DPYS: variants seen among roughly 807,000 people sequenced by gnomAD.
DPYS encodes dihydropyrimidinase.
In DPYS, 39 loss-of-function variants were observed where a neutral mutation model predicts 50.3. The observed-to-expected ratio is 0.78, with a 90% confidence interval of 0.60 to 1.01. The LOEUF is 1.01. Ranked by LOEUF, DPYS falls within the 50% of genes least tolerant of loss-of-function variation. The probability of loss-of-function intolerance (pLI) is 0.00; values close to 1 mark genes in which losing one functional copy is unlikely to be tolerated. For missense variants in DPYS, 659 were observed against 680.9 expected, an observed-to-expected ratio of 0.97 and a Z score of 0.36; for synonymous variants, 245 against 250.7, an observed-to-expected ratio of 0.98 and a Z score of 0.22.
intron 7 of DPYS, among the ~76,000 whole-genome samples, chr8:104,393,593 A>G (rs1811475590): frequency 6.6e-6 from 1 of 152,240 alleles, no homozygotes; most frequent in Non-Finnish European, 1.5e-5. Flanking sequence ...AATACGTTGG[A>G]ATATAATCTC....
intron 7 of DPYS, among the ~76,000 whole-genome samples, chr8:104,411,501 A>G (rs1812174146): frequency 6.6e-6 from 1 of 152,186 alleles, no homozygotes; most frequent in South Asian, 2.1e-4. Context: ...ATAGCACAGG[A>G]TGATAGTGGA....
At chr8:104,462,797 A>G (rs1377544149) in intron 1 of DPYS, among the ~76,000 whole-genome samples, 1 of 152,260 alleles carries the variant, frequency 6.6e-6, no homozygotes, top group African/African-American at 2.4e-5. Flanking sequence ...AAAAAATTCC[A>G]TTGTCCTTCC....
intron 1 of DPYS, among the ~76,000 whole-genome samples, chr8:104,461,609 G>C (rs572057125): frequency 7.6e-4 from 115 of 152,190 alleles, no homozygotes; most frequent in Non-Finnish European, 1.4e-3. Flanking sequence ...GAAGATGAGA[G>C]CTGAACCATC....
rs1245044415 is a variant in DPYS, at chr8:104,444,234, C to T, written c.793+14G>A. Reference sequence around the variant, plus strand: ...TAACACTGAGTTCTAAGTGAGGTTACATTCGAGAATTACCATCTCTCCTTG... The same window carrying T: ...TAACACTGAGTTCTAAGTGAGGTTATATTCGAGAATTACCATCTCTCCTTG... On this transcript the variant is annotated intron_variant, in intron 4 of 9. Coordinates refer to ENST00000351513, the MANE Select transcript of DPYS (RefSeq NM_001385.3). The T allele has an allele frequency of 3.1e-6, 5 of 1,614,054 alleles. No homozygotes were observed. The highest frequency in any genetic ancestry group is 3.4e-6 in the Non-Finnish European group (4 of 1,179,980).
intron 8 of DPYS, among the ~76,000 whole-genome samples, chr8:104,385,069 A>T (rs1026790913): frequency 2.0e-5 from 3 of 152,144 alleles, no homozygotes; most frequent in Non-Finnish European, 4.4e-5. Flanking sequence ...CCCAAATTTT[A>T]TCTCCAGCTT....
intron 2 of DPYS, 46 bp downstream of exon 2, chr8:104,451,200 G>A (rs901329304): frequency 1.2e-6 from 2 of 1,610,560 alleles, no homozygotes; most frequent in Non-Finnish European, 1.7e-6. Context: ...TGTGCAGAGT[G>A]AGGACAAGAG....
At position 104,466,652 on chromosome 8, in the gene DPYS, G is replaced by A. The variant is rs672601293; in HGVS notation, c.264+5C>T. ...CGCGGGGCGGGGGCGCGGCGGGGCGGGTACCTTGGTGCCCTGGTGGAAGTC... is the reference window on the plus strand; with the variant it reads ...CGCGGGGCGGGGGCGCGGCGGGGCGAGTACCTTGGTGCCCTGGTGGAAGTC... On this transcript the variant is annotated splice_donor_5th_base_variant and intron_variant, in intron 1 of 9. Transcript: ENST00000351513. The A allele has an allele frequency of 2.1e-4, 314 of 1,511,894 alleles. No homozygotes were observed. In the African/African-American group the frequency reaches 4.0e-3, roughly 19 times the overall value. 93.7% of individuals were successfully genotyped at this position (1,511,894 alleles called of 1,614,324 possible).
intron 7 of DPYS, chr8:104,420,397 A>G (rs1169276110): frequency 1.3e-5 from 2 of 152,178 alleles, no homozygotes; most frequent in Non-Finnish European, 2.9e-5. Flanking sequence ...CTCAGCATAC[A>G]GTTTCTGCAA....
chr8:104,464,327 C>A (rs893619191), intron 1 of DPYS, among the ~76,000 whole-genome samples: 1 of 152,148 alleles, frequency 6.6e-6, no homozygotes, highest in Non-Finnish European at 1.5e-5. Flanking sequence ...GACCAAGAAC[C>A]ACTTCCCAGG....
At position 104,461,489 on chromosome 8, in the gene DPYS, T is replaced by C. The variant is rs887215914; in HGVS notation, c.264+5168A>G. ...AGGCATTTTACTCTAAGGGATCATTTCTGAGGCAATCATCAAGAATATGAA... is the reference window on the plus strand; with the variant it reads ...AGGCATTTTACTCTAAGGGATCATTCCTGAGGCAATCATCAAGAATATGAA... On this transcript the variant is annotated intron_variant, in intron 1 of 9. Coordinates refer to ENST00000351513, the MANE Select transcript of DPYS (RefSeq NM_001385.3). 1.9e-4 allele frequency among the ~76,000 whole-genome samples: 29 copies of C among 152,236 alleles called. 1 individual carries two copies. Among genetic ancestry groups the C allele is most frequent in the Middle Eastern group, 3.4e-3 (1 of 294 alleles).
intron 7 of DPYS, among the ~76,000 whole-genome samples, 185 bp from the exon 8 acceptor site, chr8:104,393,176 A>AT (rs912819690): frequency 6.6e-6 from 1 of 152,212 alleles, no homozygotes; most frequent in African/African-American, 2.4e-5. Flanking sequence ...AAGTAATTAC[A>AT]TTTTTCTGAG....
rs750696007 is a variant in DPYS at position 104,428,040 on chromosome 8, C to G, written c.1032G>C (p.Lys344Asn). ...QKALGKDDFT[K>N]IPNGVNGVED... ...CAACACCATTCACCCCATTGGGGATCTTGGTAAAATCATCCTTCCCAAGAG... is the reference window on the plus strand; with the variant it reads ...CAACACCATTCACCCCATTGGGGATGTTGGTAAAATCATCCTTCCCAAGAG... Residue 344 changes from lysine to asparagine, a missense_variant, in exon 6 of 10, where the codon AAG (lysine) becomes AAC (asparagine). Coordinates refer to ENST00000351513, the MANE Select transcript of DPYS (RefSeq NM_001385.3). 3 of 1,614,116 alleles carry G rather than the reference C, an allele frequency of 1.9e-6. No individual in the cohort carries two copies. The African/African-American group carries it at 4.0e-5, about 22-fold the overall frequency.
intron 7 of DPYS, among the ~76,000 whole-genome samples, chr8:104,415,341 C>G (rs1354381568): frequency 1.3e-5 from 2 of 152,158 alleles, no homozygotes; most frequent in Non-Finnish European, 2.9e-5. Flanking sequence ...CTTACTCTGG[C>G]CAAGCCAAAT....
intron 8 of DPYS, among the ~76,000 whole-genome samples, chr8:104,382,721 T>A (rs1811097144): frequency 6.6e-6 from 1 of 152,162 alleles, no homozygotes; most frequent in Non-Finnish European, 1.5e-5. Flanking sequence ...CCAAGATTTA[T>A]GTCCTTCTTT....
At chr8:104,420,557 C>T (rs1006153583) in intron 7 of DPYS, 6 of 151,996 alleles carry the variant, frequency 3.9e-5, no homozygotes, top group Non-Finnish European at 8.8e-5. Context: ...AATGATAGTG[C>T]AAAAACATTC....
intron 4 of DPYS, among the ~76,000 whole-genome samples, chr8:104,443,842 G>C (rs1292695015): frequency 6.6e-6 from 1 of 152,106 alleles, no homozygotes; most frequent in Admixed American, 6.6e-5. Context: ...GCAGTGAGCT[G>C]AGATCACACC....
chr8:104,409,185 C>G (rs943304545), intron 7 of DPYS, among the ~76,000 whole-genome samples: 1 of 151,732 alleles, frequency 6.6e-6, no homozygotes, highest in African/African-American at 2.4e-5. Flanking sequence ...ACATGCCAGT[C>G]ACAAACTAAA....
intron 4 of DPYS, among the ~76,000 whole-genome samples, chr8:104,434,659 T>C (rs1813071048): frequency 1.3e-5 from 2 of 152,216 alleles, no homozygotes; most frequent in African/African-American, 4.8e-5. Context: ...AACCACAATC[T>C]AGCCCAGTTT....
At chr8:104,460,804 T>C (rs1814127466) in intron 1 of DPYS, among the ~76,000 whole-genome samples, 1 of 152,150 alleles carries the variant, frequency 6.6e-6, no homozygotes, top group South Asian at 2.1e-4. Flanking sequence ...AAGGTTAAGT[T>C]TGTAATCATT....
Sources: allele counts gnomAD v4.1 joint callset (sites outside exome capture counted in the v4.1 genomes callset), GRCh38; gene constraint gnomAD v4.1.1; transcripts MANE v1.5; gene names NCBI Gene and HGNC (gene_info 2026-07-23, HGNC 2026-07-21).